Variants in HDX observed in about 807,000 individuals in gnomAD.
The protein encoded by HDX is highly divergent homeobox.
In HDX, 19 loss-of-function variants were observed where a neutral mutation model predicts 45.2. The ratio of observed to expected loss-of-function variants is 0.42; its 90% CI spans 0.29 to 0.62. HDX has a LOEUF of 0.62. HDX is among the 20% of genes least tolerant of loss of function. The pLI is 0.20. For missense variants in HDX, 532 were observed against 493.9 expected, an observed-to-expected ratio of 1.08 and a Z score of -0.73; for synonymous variants, 188 against 172.8, an observed-to-expected ratio of 1.09 and a Z score of -0.69.
At chrX:84,486,277 C>T (rs2056467923) in intron 2 of HDX, among the ~76,000 whole-genome samples, 1 of 111,181 alleles carries the variant, frequency 9.0e-6, no homozygotes, top group African/African-American at 3.3e-5. Flanking sequence ...ATCTAGGTAC[C>T]TTTTCCCTCC....
At position 84,475,405 on chromosome X, in the gene HDX, T is replaced by G. The variant is rs371064281; in HGVS notation, c.1-8A>C. 3.8e-6 allele frequency: 4 copies of G among 1,055,871 alleles called. No individual in the cohort carries two copies. The highest frequency in any genetic ancestry group is 5.1e-6 in the Non-Finnish European group (4 of 787,960). The allele number at this position is 1,055,871 out of a possible 1,213,427, so 87.0% of individuals were successfully genotyped here. The stretch of plus-strand genomic sequence containing the variant: ...TACAGAACGTAGATTCATCTAAAAA[T>G]AAAAGAAGATACTCTGAAAATTGGA... On this transcript the variant is annotated splice_region_variant and splice_polypyrimidine_tract_variant and intron_variant, in intron 2 of 10. Coordinates refer to ENST00000373177, the MANE Select transcript of HDX (RefSeq NM_001177479.2).
intron 5 of HDX, among the ~76,000 whole-genome samples, chrX:84,384,400 T>C (rs770450006): frequency 1.8e-5 from 2 of 111,111 alleles, no homozygotes; most frequent in Non-Finnish European, 3.8e-5. Flanking sequence ...TTTGTTTAAG[T>C]TTTTTAGATT....
intron 2 of HDX, among the ~76,000 whole-genome samples, chrX:84,485,654 T>C (rs1457308413): frequency 8.9e-6 from 1 of 112,233 alleles, no homozygotes; most frequent in African/African-American, 3.2e-5. Flanking sequence ...CTCCTTGGCC[T>C]CCCAAAGTGC....
At chrX:84,365,357 C>G (rs756533415) in intron 5 of HDX, among the ~76,000 whole-genome samples, 1 of 111,472 alleles carries the variant, frequency 9.0e-6, no homozygotes, top group South Asian at 3.8e-4. Flanking sequence ...AAAACCATGA[C>G]ACCCAACACT....
Position 84,321,374 on chromosome X carries a change from T to C in HDX, c.*515A>G, listed in dbSNP as rs997235052. On this transcript the variant is annotated 3_prime_UTR_variant, in exon 11 of 11. Coordinates refer to ENST00000373177, the MANE Select transcript of HDX (RefSeq NM_001177479.2). ...GTCATTAGTTTAAGTCAAATTTTCA[T>C]AGGGGTTAAAAACTAAATCAGAGAA... 6 of 110,754 alleles carry C rather than the reference T, an allele frequency of 5.4e-5. No homozygotes were observed. Among genetic ancestry groups the C allele is most frequent in the Non-Finnish European group, 9.5e-5 (5 of 52,451 alleles). The allele number at this position is 110,754 out of a possible 1,213,427, so 9.1% of individuals were successfully genotyped here.
chrX:84,495,112 G>A (rs988222391), intron 1 of HDX, among the ~76,000 whole-genome samples: 8 of 109,567 alleles, frequency 7.3e-5, no homozygotes, highest in South Asian at 3.9e-4. Flanking sequence ...CAAATACTGC[G>A]CGATCTCACA....
At chrX:84,470,633 T>A (rs186974312) in intron 3 of HDX, among the ~76,000 whole-genome samples, 1,483 of 111,320 alleles carry the variant, frequency 0.013, 36 homozygotes, top group African/African-American at 0.047. Context: ...TGTAAACAGA[T>A]TAAGATTATT....
intron 5 of HDX, among the ~76,000 whole-genome samples, chrX:84,392,294 T>C (rs1234550375): frequency 9.0e-6 from 1 of 111,517 alleles, no homozygotes; most frequent in African/African-American, 3.2e-5. Context: ...TCTATATCAA[T>C]ACCATACTCT....
At chrX:84,373,361 G>T (rs2037949106) in intron 5 of HDX, among the ~76,000 whole-genome samples, 1 of 110,871 alleles carries the variant, frequency 9.0e-6, no homozygotes. Flanking sequence ...TGTGGTAAAA[G>T]AATTCAGGTA....
At chrX:84,325,315 C>T (rs2036685153) in intron 10 of HDX, among the ~76,000 whole-genome samples, 1 of 111,231 alleles carries the variant, frequency 9.0e-6, no homozygotes, top group African/African-American at 3.3e-5. Flanking sequence ...AATATTTGTA[C>T]TCCTGACATT....
chrX:84,407,492 G>T (rs73507093), intron 5 of HDX, among the ~76,000 whole-genome samples: 1,218 of 110,905 alleles, frequency 0.011, 13 homozygotes, highest in African/African-American at 0.038. Flanking sequence ...CCTTATCTTT[G>T]CTATTGTGAA....
chrX:84,362,203 T>C (rs1050578969), intron 5 of HDX, among the ~76,000 whole-genome samples: 1 of 111,555 alleles, frequency 9.0e-6, no homozygotes, highest in African/African-American at 3.3e-5. Flanking sequence ...TCAAGTTTCA[T>C]AATAAGCCTA....
At chrX:84,378,398 G>A (rs2038106615) in intron 5 of HDX, among the ~76,000 whole-genome samples, 1 of 111,364 alleles carries the variant, frequency 9.0e-6, no homozygotes, top group South Asian at 3.7e-4. Flanking sequence ...CTTATCCTAA[G>A]TAGAAAGACT....
chrX:84,412,779 C>A (rs1160023463), intron 5 of HDX, among the ~76,000 whole-genome samples: 2 of 111,584 alleles, frequency 1.8e-5, no homozygotes, highest in African/African-American at 6.5e-5. Context: ...ATGTTCCTTG[C>A]TTTCTCTCCC....
chrX:84,341,177 C>T (rs368692368), intron 7 of HDX, among the ~76,000 whole-genome samples: 2 of 110,795 alleles, frequency 1.8e-5, no homozygotes, highest in East Asian at 5.7e-4. Context: ...TCTCCTTCAG[C>T]TAGTCACCAC....
At chrX:84,454,372 G>T (rs2040066884) in intron 4 of HDX, among the ~76,000 whole-genome samples, 1 of 111,271 alleles carries the variant, frequency 9.0e-6, no homozygotes. Flanking sequence ...CTCAAGTATG[G>T]CAATATTCAC....
intron 9 of HDX, among the ~76,000 whole-genome samples, chrX:84,330,933 C>A (rs756761606): frequency 5.4e-5 from 6 of 111,937 alleles, no homozygotes; most frequent in African/African-American, 1.9e-4. Context: ...GTGAGAGGAA[C>A]TAGTATCATA....
chrX:84,422,530 T>C (rs2039280291), intron 5 of HDX, among the ~76,000 whole-genome samples: 1 of 110,096 alleles, frequency 9.1e-6, no homozygotes, highest in South Asian at 3.8e-4. Context: ...TAAATTAAAG[T>C]GAAAAAATTA....
At chrX:84,492,911 C>CTTT (rs11390246) in intron 1 of HDX, among the ~76,000 whole-genome samples, 2 of 96,617 alleles carry the variant, frequency 2.1e-5, no homozygotes, top group East Asian at 3.1e-4. Flanking sequence ...TTACAAAAAG[C>CTTT]TTTTTTTTTT....
Sources: allele counts gnomAD v4.1 joint callset (sites outside exome capture counted in the v4.1 genomes callset), GRCh38; gene constraint gnomAD v4.1.1; transcripts MANE v1.5; gene names NCBI Gene and HGNC (gene_info 2026-07-23, HGNC 2026-07-21).